Variants in CNTN4 observed in about 807,000 individuals in gnomAD.
CNTN4 encodes the protein contactin-4.
CNTN4 carries 77 observed loss-of-function variants against 122.5 expected under a neutral mutation model. The ratio of observed to expected loss-of-function variants is 0.63; its 90% CI spans 0.52 to 0.76. The LOEUF (loss-of-function observed/expected upper bound fraction) is 0.76, where lower values mean the gene tolerates loss of function less well. CNTN4 is among the 30% of genes least tolerant of loss of function. CNTN4 has a pLI of 0.00. For missense variants in CNTN4, 1,256 were observed against 1,259.1 expected (o/e 1.00, Z 0.04); for synonymous variants, 512 against 447.0 (o/e 1.15, Z -1.83).
Position 2,192,064 on chromosome 3 carries a change from C to A in CNTN4, c.-145+91425C>A, listed in dbSNP as rs890628773. Among the ~76,000 whole-genome samples the A allele has an allele frequency of 4.6e-5, 7 of 151,818 alleles. 1 individual carries two copies. The highest frequency in any genetic ancestry group is 6.8e-3 in the Middle Eastern group (2 of 294). ...TCCCTACAAAGGACATGAACTCATC[C>A]TTTTTTATGGCTGCATAGTATTCCA... is the stretch of plus-strand genomic sequence containing the variant. On this transcript the variant is annotated intron_variant, in intron 2 of 24. Coordinates refer to ENST00000418658, the MANE Select transcript of CNTN4 (RefSeq NM_175607.3).
At chr3:2,947,664 C>T (rs750624079) in intron 13 of CNTN4, among the ~76,000 whole-genome samples, 3 of 152,154 alleles carry the variant, frequency 2.0e-5, no homozygotes, top group Admixed American at 6.6e-5. Context: ...GTCATACTGA[C>T]GTGAATGGCA....
intron 2 of CNTN4, among the ~76,000 whole-genome samples, chr3:2,167,449 A>C (rs2036247260): frequency 6.6e-6 from 1 of 152,234 alleles, no homozygotes; most frequent in East Asian, 1.9e-4. Flanking sequence ...CCATTAAACA[A>C]GGTATAATAG....
At chr3:2,587,037 C>T (rs916142019) in intron 4 of CNTN4, among the ~76,000 whole-genome samples, 6 of 152,296 alleles carry the variant, frequency 3.9e-5, no homozygotes, top group African/African-American at 1.4e-4. Context: ...CAAACCCCAG[C>T]TGTTCATTTC....
chr3:2,524,495 A>C (rs551573941), intron 3 of CNTN4, among the ~76,000 whole-genome samples: 23 of 152,246 alleles, frequency 1.5e-4, no homozygotes, highest in Admixed American at 1.2e-3. Flanking sequence ...GGAATTGATG[A>C]GTCAGAACCG....
chr3:2,703,905 A>C (rs2086498661), intron 4 of CNTN4, among the ~76,000 whole-genome samples: 1 of 152,184 alleles, frequency 6.6e-6, no homozygotes, highest in Admixed American at 6.5e-5. Context: ...TAAAGAAAGC[A>C]GGAAAAAGGA....
chr3:2,142,412 T>A (rs2035037593), intron 2 of CNTN4, among the ~76,000 whole-genome samples: 1 of 152,024 alleles, frequency 6.6e-6, no homozygotes, highest in Non-Finnish European at 1.5e-5. Flanking sequence ...TCGCCCAGGC[T>A]GGAGTGCAAT....
chr3:2,583,707 T>G lies in CNTN4; in HGVS notation c.55+12149T>G, dbSNP rs369758499. On this transcript the variant is annotated intron_variant, in intron 4 of 24. Transcript: ENST00000418658. ...TATTTACGCATTCTTTATTTATTAA[T>G]TTATGAATGAAATAACTGTTCATTC... is the stretch of plus-strand genomic sequence containing the variant. 5.9e-5 allele frequency among the ~76,000 whole-genome samples: 9 copies of G among 152,230 alleles called. No homozygotes were observed. In the South Asian group the frequency reaches 1.9e-3, roughly 32 times the overall value.
intron 3 of CNTN4, among the ~76,000 whole-genome samples, chr3:2,525,112 CT>C (rs2077355065): frequency 6.6e-6 from 1 of 152,086 alleles, no homozygotes; most frequent in African/African-American, 2.4e-5. Flanking sequence ...ATGAGAACAC[CT>C]ATTAGAGGGG....
chr3:2,652,973 A>G (rs1014054342), intron 4 of CNTN4, among the ~76,000 whole-genome samples: 1 of 152,032 alleles, frequency 6.6e-6, no homozygotes, highest in Admixed American at 6.6e-5. Flanking sequence ...AGCTTTCCAT[A>G]TTTAGAAACT....
At chr3:2,432,017 C>G (rs1362792194) in intron 3 of CNTN4, among the ~76,000 whole-genome samples, 1 of 152,174 alleles carries the variant, frequency 6.6e-6, no homozygotes, top group Admixed American at 6.5e-5. Context: ...CCCTGCAAAT[C>G]GCAAACCATC....
At chr3:2,582,616 G>A (rs2079995487) in intron 4 of CNTN4, among the ~76,000 whole-genome samples, 1 of 152,168 alleles carries the variant, frequency 6.6e-6, no homozygotes, top group Non-Finnish European at 1.5e-5. Context: ...TTCACCTGAG[G>A]TGTGATATTG....
intron 15 of CNTN4, among the ~76,000 whole-genome samples, chr3:3,029,004 G>GGTCCTGA (rs149328379): frequency 0.026 from 3,938 of 152,144 alleles, 173 homozygotes; most frequent in African/African-American, 0.09. Context: ...AGTGTACTAC[G>GGTCCTGA]GTCCTGAGTC....
chr3:2,567,663 T>C (rs2079232874), intron 3 of CNTN4, among the ~76,000 whole-genome samples: 1 of 152,222 alleles, frequency 6.6e-6, no homozygotes, highest in African/African-American at 2.4e-5. Context: ...AGTCTAGGAA[T>C]AGAGCACAAG....
intron 3 of CNTN4, among the ~76,000 whole-genome samples, chr3:2,412,567 C>T (rs538514663): frequency 1.5e-3 from 233 of 152,168 alleles, no homozygotes; most frequent in African/African-American, 5.3e-3. Flanking sequence ...CAACAGTTCT[C>T]GTGTCAGATG....
At chr3:2,249,973 G>C (rs988001212) in intron 2 of CNTN4, among the ~76,000 whole-genome samples, 5 of 151,738 alleles carry the variant, frequency 3.3e-5, no homozygotes, top group Non-Finnish European at 7.4e-5. Flanking sequence ...ATGTAAAGCA[G>C]TGCATGGATT....
chr3:2,239,701 A>G (rs949921750), intron 2 of CNTN4, among the ~76,000 whole-genome samples: 4 of 152,188 alleles, frequency 2.6e-5, no homozygotes, highest in African/African-American at 9.7e-5. Flanking sequence ...TTCTTCTTAT[A>G]ATTAATAAAT....
At position 2,333,225 on chromosome 3, in the gene CNTN4, G is replaced by A. The variant is rs55826914; in HGVS notation, c.-144-5953G>A. ...TCCCTAGGCTCTTAAGTGTCTTCCA[G>A]AACTGTTTATCTTGTAGTCAAGACC... On this transcript the variant is annotated intron_variant, in intron 2 of 24. Coordinates refer to ENST00000418658, the MANE Select transcript of CNTN4 (RefSeq NM_175607.3). Among the ~76,000 whole-genome samples, 669 of 152,262 alleles carry A rather than the reference G, an allele frequency of 4.4e-3. 1 individual carries two copies. Among genetic ancestry groups the A allele is most frequent in the African/African-American group, 0.015 (639 of 41,538 alleles).
chr3:2,895,724 A>G (rs1469208530), intron 10 of CNTN4, among the ~76,000 whole-genome samples: 1 of 152,170 alleles, frequency 6.6e-6, no homozygotes, highest in Non-Finnish European at 1.5e-5. Context: ...TAAAGGCTAA[A>G]GGTTTCACTT....
intron 4 of CNTN4, among the ~76,000 whole-genome samples, chr3:2,633,510 A>G (rs1325090429): frequency 6.6e-6 from 1 of 152,230 alleles, no homozygotes; most frequent in African/African-American, 2.4e-5. Flanking sequence ...TCTCACGTTT[A>G]TACAGAAAGT....
Sources: allele counts gnomAD v4.1 joint callset (sites outside exome capture counted in the v4.1 genomes callset), GRCh38; gene constraint gnomAD v4.1.1; transcripts MANE v1.5; gene names NCBI Gene and HGNC (gene_info 2026-07-23, HGNC 2026-07-21).